HEATR5B: variants seen among roughly 807,000 people sequenced by gnomAD.
HEATR5B encodes the protein HEAT repeat-containing protein 5B.
HEATR5B carries 156 observed loss-of-function variants against 224.1 expected under a neutral mutation model. The ratio of observed to expected loss-of-function variants is 0.70; its 90% CI spans 0.61 to 0.80. HEATR5B has a LOEUF of 0.80. Among genes scored for constraint, HEATR5B ranks in the 30% least tolerant of loss-of-function variants. HEATR5B has a pLI of 0.00. For missense variants in HEATR5B, 2,323 were observed against 2,535.5 expected, an observed-to-expected ratio of 0.92 and a Z score of 1.80; for synonymous variants, 1,027 against 893.0, an observed-to-expected ratio of 1.15 and a Z score of -2.68.
At chr2:37,051,265 A>G (rs555467875) in intron 17 of HEATR5B, among the ~76,000 whole-genome samples, 1 of 144,050 alleles carries the variant, frequency 6.9e-6, no homozygotes, top group Admixed American at 7.1e-5. Flanking sequence ...CTGAGGCAGG[A>G]GAATCGCTTG....
At chr2:37,064,355 T>C (rs1387284074) in intron 10 of HEATR5B, among the ~76,000 whole-genome samples, 1 of 148,984 alleles carries the variant, frequency 6.7e-6, no homozygotes, top group East Asian at 2.0e-4. Context: ...GGCATGTTCA[T>C]AGCTCACTGT....
chr2:37,071,187 G>T (rs1167979712), intron 6 of HEATR5B, among the ~76,000 whole-genome samples: 1 of 151,972 alleles, frequency 6.6e-6, no homozygotes, highest in Non-Finnish European at 1.5e-5. Flanking sequence ...TATCATTAAA[G>T]ATGAAAATCA....
chr2:37,081,777 GA>G (rs1393342557), intron 2 of HEATR5B, among the ~76,000 whole-genome samples: 1 of 152,146 alleles, frequency 6.6e-6, no homozygotes, highest in Non-Finnish European at 1.5e-5. Flanking sequence ...GAGATGCAGT[GA>G]AAGTTCACAT....
intron 35 of HEATR5B, among the ~76,000 whole-genome samples, chr2:36,982,150 T>A (rs1665624038): frequency 6.6e-6 from 1 of 152,054 alleles, no homozygotes; most frequent in Admixed American, 6.6e-5. Flanking sequence ...GAGATTGGAG[T>A]GAGGAACAGA....
At chr2:37,074,169 A>G (rs1672083165) in intron 5 of HEATR5B, among the ~76,000 whole-genome samples, 1 of 152,022 alleles carries the variant, frequency 6.6e-6, no homozygotes, top group Non-Finnish European at 1.5e-5. Context: ...AAAATACAAA[A>G]AAAATTAGCT....
intron 34 of HEATR5B, 92 bp downstream of exon 34, chr2:36,990,556 T>C: frequency 1.7e-6 from 2 of 1,197,776 alleles, no homozygotes; most frequent in East Asian, 2.5e-5. Context: ...ACTTAGCTTT[T>C]CATTATGTAT....
Position 37,000,831 on chromosome 2 carries a change from C to A in HEATR5B, c.5318-18G>T, listed in dbSNP as rs1667045338. 1 of 1,488,618 alleles carries A rather than the reference C, an allele frequency of 6.7e-7. No individual in the cohort carries two copies. Among genetic ancestry groups the A allele is most frequent in the South Asian group, 1.1e-5 (1 of 88,390 alleles). The allele number at this position is 1,488,618 out of a possible 1,614,324, so 92.2% of individuals were successfully genotyped here. A position where few individuals can be genotyped will look rare whatever the true frequency, so the allele number is the denominator to read the frequency against. Reference sequence around the variant, plus strand: ...CATACATCCTGAAAGAAAAACAAATCAGATCACCTCATAACTATTCAGTTC... The same window carrying A: ...CATACATCCTGAAAGAAAAACAAATAAGATCACCTCATAACTATTCAGTTC... On this transcript the variant is annotated intron_variant, in intron 32 of 35. Coordinates refer to ENST00000233099, the MANE Select transcript of HEATR5B (RefSeq NM_019024.3).
At chr2:37,034,658 G>C (rs1294438044) in intron 21 of HEATR5B, among the ~76,000 whole-genome samples, 2 of 145,094 alleles carry the variant, frequency 1.4e-5, no homozygotes, top group East Asian at 2.2e-4. Flanking sequence ...CCAGGCTGGT[G>C]TGCAGTGTCA....
chr2:37,073,868 G>A lies in HEATR5B; in HGVS notation c.598-1587C>T, dbSNP rs551838725. ...ACCTGATTTCAACACTTATTACAAA[G>A]GAACTGTAATGAAGAAAAGTGTTGT... On this transcript the variant is annotated intron_variant, in intron 5 of 35. Transcript: ENST00000233099. Among the ~76,000 whole-genome samples, 8 of 152,264 alleles carry A rather than the reference G, an allele frequency of 5.3e-5. No homozygotes were observed. In the South Asian group the frequency reaches 1.7e-3, roughly 32 times the overall value.
Position 36,981,786 on chromosome 2 carries a change from G to A in HEATR5B, c.5920C>T (p.Leu1974=). 3.7e-6 allele frequency: 6 copies of A among 1,605,792 alleles called. No individual in the cohort carries two copies. In the South Asian group the frequency reaches 5.6e-5, roughly 15 times the overall value. The change falls in exon 36 of 36, where the codon CTA becomes TTA. Residue 1974 remains leucine (L), a synonymous_variant. Coordinates refer to ENST00000233099, the MANE Select transcript of HEATR5B (RefSeq NM_019024.3). The stretch of plus-strand genomic sequence containing the variant: ...AAAGTGGGAACTAAAAGAGCAAGTA[G>A]CTGGACTCCTGTAAATAATAAAGTA... ...ALGEEQNRVQ[L]LALLVPTLIS... is the part of the protein sequence containing the mutation.
intron 26 of HEATR5B, among the ~76,000 whole-genome samples, chr2:37,014,307 G>A (rs1039060544): frequency 5.3e-5 from 8 of 151,946 alleles, no homozygotes; most frequent in African/African-American, 1.2e-4. Context: ...GACTACAGGC[G>A]CGTGCCACCA....
At chr2:37,058,426 C>G in intron 14 of HEATR5B, 25 bp downstream of exon 14, 3 of 1,374,770 alleles carry the variant, frequency 2.2e-6, no homozygotes, top group Non-Finnish European at 3.1e-6. Flanking sequence ...AAATTTTTAT[C>G]AGATACCACA....
intron 26 of HEATR5B, among the ~76,000 whole-genome samples, chr2:37,017,687 C>CAAAAAAA (rs1056240189): frequency 1.9e-4 from 12 of 61,664 alleles, no homozygotes; most frequent in Non-Finnish European, 2.9e-4. Context: ...AATTCCGTCT[C>CAAAAAAA]AAAAAAAAAA....
intron 26 of HEATR5B, among the ~76,000 whole-genome samples, chr2:37,018,281 T>G (rs557933968): frequency 6.6e-6 from 1 of 152,254 alleles, no homozygotes. Context: ...TAATAGCCTT[T>G]GCTTTTCTAA....
chr2:37,002,218 T>G (rs1667132531), intron 32 of HEATR5B, 88 bp downstream of exon 32: 1 of 1,384,422 alleles, frequency 7.2e-7, no homozygotes, highest in Non-Finnish European at 1.0e-6. Context: ...AAGAGGAAAC[T>G]GGGTTATAAC....
chr2:37,012,875 T>C lies in HEATR5B; in HGVS notation c.4284+966A>G, dbSNP rs188579346. Among the ~76,000 whole-genome samples the C allele has an allele frequency of 1.7e-3, 253 of 152,364 alleles. 2 individuals are homozygous for C. Among genetic ancestry groups the C allele is most frequent in the African/African-American group, 4.3e-3 (179 of 41,586 alleles). The stretch of plus-strand genomic sequence containing the variant: ...AGGCTACTTCTGAGCCTCCAGCCTA[T>C]TGTAACTGCCTCTGCTATGTGTTCC... On this transcript the variant is annotated intron_variant, in intron 27 of 35. Transcript: ENST00000233099.
intron 24 of HEATR5B, among the ~76,000 whole-genome samples, chr2:37,024,683 T>C (rs1668660913): frequency 6.6e-6 from 1 of 152,208 alleles, no homozygotes; most frequent in Admixed American, 6.5e-5. Context: ...TAGATTAAAA[T>C]GGGTCTACTT....
Position 37,041,125 on chromosome 2 carries a change from T to C in HEATR5B, c.2856+8A>G, listed in dbSNP as rs772186857. On this transcript the variant is annotated splice_region_variant and intron_variant, in intron 19 of 35. Coordinates refer to ENST00000233099, the MANE Select transcript of HEATR5B (RefSeq NM_019024.3). ...ACTTTTGTAATAAAAAAACCAATTA[T>C]ATTATACCTGGACTTCAGGGGATGT... 2.5e-6 allele frequency: 4 copies of C among 1,606,682 alleles called. No homozygotes were observed. Among genetic ancestry groups the C allele is most frequent in the African/African-American group, 2.7e-5 (2 of 74,454 alleles).
chr2:36,996,600 T>C (rs1235279576), intron 33 of HEATR5B, among the ~76,000 whole-genome samples: 1 of 151,474 alleles, frequency 6.6e-6, no homozygotes, highest in Non-Finnish European at 1.5e-5. Context: ...TATATATATA[T>C]ATTTTTTTGA....
Sources: gnomAD v4.1 joint callset for allele counts (sites outside exome capture counted in the v4.1 genomes callset) on GRCh38, gnomAD v4.1.1 for gene constraint, MANE v1.5 for transcripts, NCBI Gene and HGNC (gene_info 2026-07-23, HGNC 2026-07-21) for gene names.